The following ASCC1 variants were observed in gnomAD, a reference collection of about 807,000 sequenced individuals.
The protein encoded by ASCC1 is activating signal cointegrator 1 complex subunit 1, also known as ASC-1 complex subunit P50.
Under a neutral mutation model 46.6 loss-of-function variants are expected in ASCC1, and 35 were observed. The ratio of observed to expected loss-of-function variants is 0.75; its 90% CI spans 0.57 to 0.99. ASCC1 has a LOEUF of 0.99. Ranked by LOEUF, ASCC1 falls within the 50% of genes least tolerant of loss-of-function variation. The pLI is 0.00. For missense variants in ASCC1, 376 were observed against 428.7 expected (o/e 0.88, Z 1.09); for synonymous variants, 143 against 146.6 (o/e 0.98, Z 0.18).
At chr10:72,210,091 G>C (rs906913569) in intron 3 of ASCC1, among the ~76,000 whole-genome samples, 2 of 151,870 alleles carry the variant, frequency 1.3e-5, no homozygotes, top group Non-Finnish European at 2.9e-5. Context: ...AGGTCCCTGA[G>C]GCCTCCCCAG....
intron 7 of ASCC1, among the ~76,000 whole-genome samples, chr10:72,151,979 G>C (rs937905384): frequency 7.5e-6 from 1 of 132,972 alleles, no homozygotes; most frequent in African/African-American, 2.8e-5. Context: ...GTGAGCCACC[G>C]CAACCGGCCA....
chr10:72,117,874 A>C (rs1197862807), intron 9 of ASCC1, among the ~76,000 whole-genome samples: 1 of 152,268 alleles, frequency 6.6e-6, no homozygotes, highest in Non-Finnish European at 1.5e-5. Flanking sequence ...ATATCCAGTC[A>C]TAGAAATATA....
chr10:72,182,325 C>T (rs949796886), intron 5 of ASCC1, among the ~76,000 whole-genome samples: 1 of 152,192 alleles, frequency 6.6e-6, no homozygotes, highest in Non-Finnish European at 1.5e-5. Flanking sequence ...CTTGTCCCAC[C>T]ACTGGGAAGA....
intron 9 of ASCC1, among the ~76,000 whole-genome samples, chr10:72,121,636 A>G (rs983141943): frequency 6.6e-6 from 1 of 152,240 alleles, no homozygotes; most frequent in Non-Finnish European, 1.5e-5. Context: ...CAGAGCAAGG[A>G]AAGTTATTAT....
At chr10:72,143,889 TC>T (rs1847322615) in intron 7 of ASCC1, among the ~76,000 whole-genome samples, 1 of 152,056 alleles carries the variant, frequency 6.6e-6, no homozygotes, top group South Asian at 2.1e-4. Flanking sequence ...TTGAGGCTGT[TC>T]TATTAGGCTC....
chr10:72,123,669 A>G (rs1448451890), intron 9 of ASCC1, among the ~76,000 whole-genome samples: 1 of 149,768 alleles, frequency 6.7e-6, no homozygotes, highest in African/African-American at 2.5e-5. Flanking sequence ...TGTCCTCTAG[A>G]AAAAAAAAAT....
At chr10:72,145,081 T>C (rs1018456638) in intron 7 of ASCC1, among the ~76,000 whole-genome samples, 3 of 152,216 alleles carry the variant, frequency 2.0e-5, no homozygotes, top group Non-Finnish European at 4.4e-5. Context: ...AGGTTGCCAG[T>C]TGTTTTAACA....
chr10:72,214,946 C>T (rs867317466), intron 1 of ASCC1, among the ~76,000 whole-genome samples: 55 of 152,358 alleles, frequency 3.6e-4, no homozygotes, highest in African/African-American at 1.2e-3. Context: ...AGCTTCTGGT[C>T]ACATCACTTA....
At chr10:72,097,480 A>C in intron 9 of ASCC1, 30 bp from the exon 10 acceptor site, 1 of 1,345,688 alleles carries the variant, frequency 7.4e-7, no homozygotes, top group Non-Finnish European at 1.1e-6. Flanking sequence ...ACCCAGAATG[A>C]ATATTTAAAG....
At position 72,172,753 on chromosome 10, in the gene ASCC1, ATT is replaced by A. The variant is rs1173888736; in HGVS notation, c.490-11081_490-11080del. Among the ~76,000 whole-genome samples, 570 of 118,902 alleles carry A rather than the reference ATT, an allele frequency of 4.8e-3. 1 individual carries two copies. The highest frequency in any genetic ancestry group is 8.6e-3 in the Non-Finnish European group (470 of 54,676). 78.0% of individuals were successfully genotyped at this position (118,902 alleles called of 152,430 possible). On this transcript the variant is annotated intron_variant, in intron 5 of 9. Transcript: ENST00000672957. ...ATTATATATATTACATATATTATAT[ATT>A]TTTATATTATATATTATATTTTTTA...
rs114208644 is a variant in ASCC1 at position 72,199,817 on chromosome 10, G to A, written c.311-2828C>T. Among the ~76,000 whole-genome samples, 155 of 151,912 alleles carry A rather than the reference G, an allele frequency of 1.0e-3. 3 individuals carry two copies. Among genetic ancestry groups the A allele is most frequent in the African/African-American group, 3.1e-3 (129 of 41,412 alleles). On this transcript the variant is annotated intron_variant, in intron 4 of 9. Transcript: ENST00000672957. Reference sequence around the variant, plus strand: ...GGTGCGATTGGCTCACTGTAGCCTCGACTTTCCCAGATAAAAAGATCCTCC... The same window carrying A: ...GGTGCGATTGGCTCACTGTAGCCTCAACTTTCCCAGATAAAAAGATCCTCC...
chr10:72,196,277 A>T lies in ASCC1; in HGVS notation c.489+534T>A, dbSNP rs189668580. On this transcript the variant is annotated intron_variant, in intron 5 of 9. Coordinates refer to ENST00000672957, the MANE Select transcript of ASCC1 (RefSeq NM_001198800.3). The stretch of plus-strand genomic sequence containing the variant: ...TTAGGATGAGCCATTTGTGTCTTAA[A>T]TCTTTTTTTTTTTTTTTTTGAGACA... Among the ~76,000 whole-genome samples, 756 of 145,312 alleles carry T rather than the reference A, an allele frequency of 5.2e-3. 10 individuals carry two copies. Among genetic ancestry groups the T allele is most frequent in the African/African-American group, 0.02 (727 of 36,220 alleles).
chr10:72,174,304 C>T (rs1186855993), intron 5 of ASCC1, among the ~76,000 whole-genome samples: 1 of 152,162 alleles, frequency 6.6e-6, no homozygotes, highest in African/African-American at 2.4e-5. Context: ...TCGAGTGGGG[C>T]AGAACTGCTA....
chr10:72,126,164 A>C (rs544320977), intron 9 of ASCC1, among the ~76,000 whole-genome samples: 2 of 152,168 alleles, frequency 1.3e-5, no homozygotes, highest in Non-Finnish European at 2.9e-5. Context: ...AATAATGCTC[A>C]ATTTGTGAGT....
At chr10:72,113,031 C>T (rs910592477) in intron 9 of ASCC1, among the ~76,000 whole-genome samples, 1 of 152,042 alleles carries the variant, frequency 6.6e-6, no homozygotes, top group Non-Finnish European at 1.5e-5. Flanking sequence ...ACAGACATCC[C>T]GTTCAAAGAG....
At chr10:72,204,545 C>T (rs752368701) in intron 3 of ASCC1, 1 of 1,547,102 alleles carries the variant, frequency 6.5e-7, no homozygotes, top group South Asian at 1.2e-5. Flanking sequence ...GTCTATAAAG[C>T]ACTAAGAGGC....
rs1402896688 is a variant in ASCC1, at chr10:72,128,892, G to T, written c.872-725C>A. 3.9e-5 allele frequency among the ~76,000 whole-genome samples: 6 copies of T among 152,124 alleles called. No homozygotes were observed. The East Asian group carries it at 1.2e-3, about 29-fold the overall frequency. On this transcript the variant is annotated intron_variant, in intron 8 of 9. Coordinates refer to ENST00000672957, the MANE Select transcript of ASCC1 (RefSeq NM_001198800.3). ...CTTCTCAAGTAAAAATTCAATACAGGAGAGTCCAGAGTACAAAAAATTCAA... is the reference window on the plus strand; with the variant it reads ...CTTCTCAAGTAAAAATTCAATACAGTAGAGTCCAGAGTACAAAAAATTCAA...
At chr10:72,205,858 C>T (rs1369830733) in intron 3 of ASCC1, among the ~76,000 whole-genome samples, 1 of 151,810 alleles carries the variant, frequency 6.6e-6, no homozygotes, top group East Asian at 1.9e-4. Context: ...CGCCTGTAAT[C>T]CCAGGGAGGC....
intron 5 of ASCC1, among the ~76,000 whole-genome samples, chr10:72,172,446 A>G (rs1476776782): frequency 6.7e-6 from 1 of 149,626 alleles, no homozygotes; most frequent in Non-Finnish European, 1.5e-5. Flanking sequence ...GAAAAACTCT[A>G]AGCACAAATA....
Sources: allele counts gnomAD v4.1 joint callset (sites outside exome capture counted in the v4.1 genomes callset), GRCh38; gene constraint gnomAD v4.1.1; transcripts MANE v1.5; gene names NCBI Gene and HGNC (gene_info 2026-07-23, HGNC 2026-07-21).